GMDS: variants seen among roughly 807,000 people sequenced by gnomAD.
GMDS encodes GDP-mannose 4,6-dehydratase, also known as GDP-mannose 4,6 dehydratase.
A neutral mutation model predicts 49.9 loss-of-function variants in GMDS; 20 were observed. That is an observed-to-expected ratio of 0.40 (90% confidence interval 0.28 to 0.58). The LOEUF (loss-of-function observed/expected upper bound fraction) is 0.58. Among genes scored for constraint, GMDS ranks in the 20% least tolerant of loss-of-function variants. The pLI is 0.42. For synonymous variants in GMDS, 177 were observed against 178.6 expected (o/e 0.99, Z 0.07); for missense variants, 362 against 481.4 (o/e 0.75, Z 2.32).
At chr6:1,946,210 T>C (rs1323468041) in intron 6 of GMDS, among the ~76,000 whole-genome samples, 2 of 152,156 alleles carry the variant, frequency 1.3e-5, no homozygotes, top group Non-Finnish European at 2.9e-5. Context: ...AGGCAGCTAA[T>C]GTAACTGGAA....
intron 7 of GMDS, among the ~76,000 whole-genome samples, chr6:1,756,834 C>T (rs1002099864): frequency 2.6e-5 from 4 of 152,164 alleles, no homozygotes; most frequent in African/African-American, 9.7e-5. Context: ...TCCAAGGTGG[C>T]AAAACAAAAG....
chr6:1,828,791 C>T (rs1467718725), intron 7 of GMDS, among the ~76,000 whole-genome samples: 1 of 152,184 alleles, frequency 6.6e-6, no homozygotes, highest in Non-Finnish European at 1.5e-5. Flanking sequence ...CAAAGTGAGT[C>T]TTTCAGCTTG....
rs11353369 is a variant in GMDS, at chr6:2,006,266, TAA to T, written c.346-45302_346-45301del. Reference sequence around the variant, plus strand: ...GGGAGAATTTGACTCTGCAAACAATTAAAAAAAAAAAAATAGCCAAGAGTAGT... The same window carrying T: ...GGGAGAATTTGACTCTGCAAACAATTAAAAAAAAAAATAGCCAAGAGTAGT... On this transcript the variant is annotated intron_variant, in intron 4 of 10. Transcript: ENST00000380815. 3.8e-3 allele frequency among the ~76,000 whole-genome samples: 563 copies of T among 147,504 alleles called. 2 individuals are homozygous for T. The highest frequency in any genetic ancestry group is 0.014 in the Middle Eastern group (4 of 286).
chr6:1,783,003 A>T (rs1475160635), intron 7 of GMDS, among the ~76,000 whole-genome samples: 3 of 152,200 alleles, frequency 2.0e-5, no homozygotes, highest in Non-Finnish European at 2.9e-5. Flanking sequence ...AAAAAAATTT[A>T]AAATAGTCGG....
intron 7 of GMDS, among the ~76,000 whole-genome samples, chr6:1,851,485 C>T (rs982923952): frequency 2.6e-5 from 4 of 152,116 alleles, no homozygotes; most frequent in Admixed American, 6.5e-5. Flanking sequence ...TTAGGACCTT[C>T]GGGGCAGGGA....
At chr6:2,184,874 T>C (rs984129707) in intron 1 of GMDS, among the ~76,000 whole-genome samples, 1 of 152,224 alleles carries the variant, frequency 6.6e-6, no homozygotes, top group Non-Finnish European at 1.5e-5. Context: ...GATAAGACTG[T>C]GACATTGCTC....
chr6:1,717,271 T>C (rs753557737), intron 9 of GMDS, among the ~76,000 whole-genome samples: 2 of 152,218 alleles, frequency 1.3e-5, no homozygotes, highest in Admixed American at 6.5e-5. Context: ...TAAACCAACA[T>C]AGATTTTAGA....
intron 4 of GMDS, among the ~76,000 whole-genome samples, chr6:2,013,925 CATATATATATATATATATATAT>C (rs10523956): frequency 0.45 from 56,209 of 125,308 alleles, 12,252 homozygotes; most frequent in Middle Eastern, 0.53. Flanking sequence ...GGATAAAAAC[CATATATATATATATATATATAT>C]ATATATATAT....
At chr6:2,089,454 A>G (rs1016668729) in intron 4 of GMDS, among the ~76,000 whole-genome samples, 7 of 152,212 alleles carry the variant, frequency 4.6e-5, no homozygotes, top group African/African-American at 1.7e-4. Context: ...ATGATTTTCA[A>G]TGCAAATAAA....
intron 7 of GMDS, among the ~76,000 whole-genome samples, chr6:1,887,912 T>C (rs2113834860): frequency 6.6e-6 from 1 of 152,262 alleles, no homozygotes; most frequent in South Asian, 2.1e-4. Flanking sequence ...AGATGTTATA[T>C]AAATAGTTGC....
At chr6:1,799,867 A>G (rs1219766516) in intron 7 of GMDS, among the ~76,000 whole-genome samples, 1 of 152,162 alleles carries the variant, frequency 6.6e-6, no homozygotes, top group Non-Finnish European at 1.5e-5. Flanking sequence ...CTCAACCACT[A>G]CTTCAAATAC....
At chr6:1,966,415 G>A (rs1230656202) in intron 4 of GMDS, among the ~76,000 whole-genome samples, 2 of 149,320 alleles carry the variant, frequency 1.3e-5, no homozygotes, top group Non-Finnish European at 3.0e-5. Flanking sequence ...GCCCAAACTC[G>A]CTTTCTTGAA....
intron 7 of GMDS, among the ~76,000 whole-genome samples, chr6:1,890,752 T>C (rs953258518): frequency 6.6e-6 from 1 of 152,208 alleles, no homozygotes; most frequent in African/African-American, 2.4e-5. Context: ...CCACAATAAA[T>C]CCACTTTTAA....
At chr6:2,212,199 T>G (rs952885461) in intron 1 of GMDS, among the ~76,000 whole-genome samples, 2 of 152,204 alleles carry the variant, frequency 1.3e-5, no homozygotes, top group Non-Finnish European at 2.9e-5. Flanking sequence ...TTTTAACATA[T>G]GAATTCAATT....
At chr6:1,645,850 T>TC (rs1399915946) in intron 9 of GMDS, among the ~76,000 whole-genome samples, 1 of 152,186 alleles carries the variant, frequency 6.6e-6, no homozygotes, top group Non-Finnish European at 1.5e-5. Flanking sequence ...TAGCACAGTG[T>TC]CCCTCTCATT....
rs527813298 is a variant in GMDS at position 1,986,747 on chromosome 6, T to C, written c.346-25781A>G. On this transcript the variant is annotated intron_variant, in intron 4 of 10. Transcript: ENST00000380815. ...TTTTGCTTATCTCTCCACTCATTGCTATTAATTTAATGGTCTGGGGAGCTG... is the reference window on the plus strand; with the variant it reads ...TTTTGCTTATCTCTCCACTCATTGCCATTAATTTAATGGTCTGGGGAGCTG... Among the ~76,000 whole-genome samples, 11 of 152,322 alleles carry C rather than the reference T, an allele frequency of 7.2e-5. No homozygotes were observed. The South Asian group carries it at 2.3e-3, about 32-fold the overall frequency.
At chr6:1,946,076 C>T (rs1311307758) in intron 6 of GMDS, among the ~76,000 whole-genome samples, 1 of 152,184 alleles carries the variant, frequency 6.6e-6, no homozygotes, top group East Asian at 1.9e-4. Flanking sequence ...TACTTCATCA[C>T]TTCCTTTTCT....
intron 9 of GMDS, among the ~76,000 whole-genome samples, chr6:1,723,089 T>C (rs1480782020): frequency 6.6e-6 from 1 of 152,150 alleles, no homozygotes; most frequent in African/African-American, 2.4e-5. Context: ...TTTGAGGCAC[T>C]AAATCAATGA....
chr6:1,993,538 C>T lies in GMDS; in HGVS notation c.346-32572G>A, dbSNP rs574718328. ...TAAAAGAAAAAAGAAAATCTTACTACGGAAAGTAAAAGATGATCCTCAGGC... is the reference window on the plus strand; with the variant it reads ...TAAAAGAAAAAAGAAAATCTTACTATGGAAAGTAAAAGATGATCCTCAGGC... On this transcript the variant is annotated intron_variant, in intron 4 of 10. Transcript: ENST00000380815. 8.5e-5 allele frequency among the ~76,000 whole-genome samples: 13 copies of T among 152,228 alleles called. No individual in the cohort carries two copies. The South Asian group carries it at 2.5e-3, about 29-fold the overall frequency.
Sources: allele counts gnomAD v4.1 joint callset (sites outside exome capture counted in the v4.1 genomes callset), GRCh38; gene constraint gnomAD v4.1.1; transcripts MANE v1.5; gene names NCBI Gene and HGNC (gene_info 2026-07-23, HGNC 2026-07-21).